ZFR: variants seen among roughly 807,000 people sequenced by gnomAD.
ZFR encodes zinc finger RNA-binding protein.
ZFR carries 19 observed loss-of-function variants against 130.7 expected under a neutral mutation model. The observed-to-expected ratio is 0.15, with a 90% confidence interval of 0.10 to 0.21. ZFR has a LOEUF of 0.21. Ranked by LOEUF, ZFR falls within the 10% of genes least tolerant of loss-of-function variation. The probability of loss-of-function intolerance (pLI) is 1.00; values close to 1 mark genes in which losing one functional copy is unlikely to be tolerated. For synonymous variants in ZFR, 466 were observed against 456.9 expected, an observed-to-expected ratio of 1.02 and a Z score of -0.25; for missense variants, 872 against 1,321.5, an observed-to-expected ratio of 0.66 and a Z score of 5.27.
chr5:32,362,906 A>C (rs532732093), intron 19 of ZFR, among the ~76,000 whole-genome samples: 1 of 152,172 alleles, frequency 6.6e-6, no homozygotes, highest in African/African-American at 2.4e-5. Flanking sequence ...TTTTCCCTTA[A>C]ATTTATAACT....
intron 5 of ZFR, among the ~76,000 whole-genome samples, chr5:32,408,766 T>A (rs572879853): frequency 6.6e-6 from 1 of 152,344 alleles, no homozygotes; most frequent in African/African-American, 2.4e-5. Context: ...TTTTATCTGA[T>A]CATATACATG....
intron 14 of ZFR, 100 bp downstream of exon 14, chr5:32,387,449 T>G: frequency 7.0e-7 from 1 of 1,422,554 alleles, no homozygotes; most frequent in Non-Finnish European, 9.5e-7. Context: ...CAAGCCAAAA[T>G]TTTAAAGGCT....
At chr5:32,383,674 C>T (rs1394737903) in intron 15 of ZFR, 2 of 438,560 alleles carry the variant, frequency 4.6e-6, no homozygotes, top group Non-Finnish European at 9.2e-6. Flanking sequence ...TCCTTAACCC[C>T]TGTACTAACT....
intron 19 of ZFR, among the ~76,000 whole-genome samples, chr5:32,359,674 G>C (rs1041323989): frequency 3.3e-5 from 5 of 152,164 alleles, no homozygotes; most frequent in African/African-American, 1.2e-4. Context: ...TCCTTGACCG[G>C]GTGCGGTGGC....
intron 19 of ZFR, among the ~76,000 whole-genome samples, chr5:32,361,991 T>C (rs1057171348): frequency 1.3e-5 from 2 of 152,164 alleles, no homozygotes; most frequent in African/African-American, 4.8e-5. Context: ...ATTTGAGGTT[T>C]GAGTGAGCAC....
chr5:32,364,334 A>AAC (rs1752494455), intron 17 of ZFR, 59 bp from the exon 18 acceptor site: 2 of 1,408,202 alleles, frequency 1.4e-6, no homozygotes. Context: ...CTCATTTTCA[A>AAC]ACTAAAATTT....
chr5:32,377,214 TTCTCTCTC>T (rs143572606), intron 17 of ZFR, among the ~76,000 whole-genome samples: 1 of 147,420 alleles, frequency 6.8e-6, no homozygotes, highest in South Asian at 2.2e-4. Context: ...TTATTTCTCT[TTCTCTCTC>T]TCTCTCTCTC....
At chr5:32,432,770 C>T (rs966040722) in intron 2 of ZFR, among the ~76,000 whole-genome samples, 1 of 151,906 alleles carries the variant, frequency 6.6e-6, no homozygotes, top group Admixed American at 6.6e-5. Context: ...ACTCTGTCAC[C>T]CAGGAAGGAG....
chr5:32,369,963 C>T (rs1752624561), intron 17 of ZFR, among the ~76,000 whole-genome samples: 1 of 152,034 alleles, frequency 6.6e-6, no homozygotes, highest in Non-Finnish European at 1.5e-5. Flanking sequence ...GAGACATGCA[C>T]TCTGTCTCTA....
At chr5:32,396,005 T>C (rs1753299874) in intron 10 of ZFR, among the ~76,000 whole-genome samples, 1 of 151,726 alleles carries the variant, frequency 6.6e-6, no homozygotes, top group South Asian at 2.1e-4. Context: ...GCAGATCACT[T>C]GAGGCCAGGA....
chr5:32,415,523 C>CGCGCGCGA, intron 4 of ZFR, among the ~76,000 whole-genome samples: 1 of 132,106 alleles, frequency 7.6e-6, no homozygotes, highest in Admixed American at 7.4e-5. Context: ...TGTGCGCGCG[C>CGCGCGCGA]GCGCGCGCGC....
At chr5:32,414,884 G>C (rs1259850101) in intron 5 of ZFR, 85 bp downstream of exon 5, 1 of 1,187,854 alleles carries the variant, frequency 8.4e-7, no homozygotes, top group Non-Finnish European at 1.2e-6. Flanking sequence ...TTGGGAGTAA[G>C]GTAATTTCAA....
intron 1 of ZFR, 141 bp downstream of exon 1, chr5:32,444,481 C>T: frequency 7.0e-6 from 9 of 1,291,490 alleles, no homozygotes; most frequent in Non-Finnish European, 9.2e-6. Flanking sequence ...CCCCTCCCGC[C>T]TCGCACTCCC....
At chr5:32,361,416 T>C (rs555498157) in intron 19 of ZFR, among the ~76,000 whole-genome samples, 32 of 152,146 alleles carry the variant, frequency 2.1e-4, no homozygotes, top group Non-Finnish European at 3.7e-4. Flanking sequence ...GACTGTTAAC[T>C]TCCCAGGTGA....
intron 17 of ZFR, among the ~76,000 whole-genome samples, chr5:32,377,837 GC>G (rs1752858763): frequency 6.6e-6 from 1 of 152,010 alleles, no homozygotes; most frequent in African/African-American, 2.4e-5. Context: ...GATTACAGGT[GC>G]CCGCCACCAT....
intron 2 of ZFR, among the ~76,000 whole-genome samples, chr5:32,434,481 A>G (rs536738352): frequency 4.6e-5 from 7 of 152,230 alleles, no homozygotes; most frequent in Non-Finnish European, 8.8e-5. Flanking sequence ...CTAAAAGCCA[A>G]CTATGAAGTT....
chr5:32,375,932 C>T lies in ZFR; in HGVS notation c.2835+3183G>A, dbSNP rs374793142. Among the ~76,000 whole-genome samples the T allele has an allele frequency of 9.9e-4, 151 of 152,004 alleles. 1 individual carries two copies. The highest frequency in any genetic ancestry group is 3.6e-3 in the African/African-American group (148 of 41,464). ...GATCTCGGCTCACTGCAACCTCCGC[C>T]CTGAGTTCAAGTGATTCTCCTGCCT... On this transcript the variant is annotated intron_variant, in intron 17 of 19. Coordinates refer to ENST00000265069, the MANE Select transcript of ZFR (RefSeq NM_016107.5).
intron 11 of ZFR, among the ~76,000 whole-genome samples, chr5:32,390,951 G>C (rs1009255265): frequency 3.3e-5 from 5 of 152,220 alleles, no homozygotes; most frequent in African/African-American, 9.6e-5. Flanking sequence ...GTCCTGGCTA[G>C]AGATAACAGC....
intron 14 of ZFR, among the ~76,000 whole-genome samples, chr5:32,386,794 C>A (rs985154610): frequency 6.6e-6 from 1 of 152,126 alleles, no homozygotes; most frequent in Non-Finnish European, 1.5e-5. Context: ...CAGTAAGGTA[C>A]TGTTCTAATT....
Sources: allele counts gnomAD v4.1 joint callset (sites outside exome capture counted in the v4.1 genomes callset), GRCh38; gene constraint gnomAD v4.1.1; transcripts MANE v1.5; gene names NCBI Gene and HGNC (gene_info 2026-07-23, HGNC 2026-07-21).